NAA25: variants seen among roughly 807,000 people sequenced by gnomAD.
NAA25 encodes N-alpha-acetyltransferase 25, NatB auxiliary subunit, also known as N-terminal acetyltransferase B complex subunit NAA25.
A neutral mutation model predicts 132.5 loss-of-function variants in NAA25; 30 were observed. The observed-to-expected ratio is 0.23, with a 90% CI of 0.17 to 0.31. The LOEUF is 0.31. NAA25 is among the 10% of genes least tolerant of loss of function. The pLI is 1.00. For synonymous variants in NAA25, 359 were observed against 401.9 expected, an observed-to-expected ratio of 0.89 and a Z score of 1.28; for missense variants, 771 against 1,150.4, an observed-to-expected ratio of 0.67 and a Z score of 4.77.
chr12:112,046,006 C>T (rs189510696), intron 17 of NAA25, among the ~76,000 whole-genome samples: 4 of 152,182 alleles, frequency 2.6e-5, no homozygotes, highest in Non-Finnish European at 5.9e-5. Flanking sequence ...GTTAACATAG[C>T]AGGCCTGCAG....
rs562838207 is a variant in NAA25, at chr12:112,027,345, T to C, written c.*2186A>G. 54 of 152,286 alleles carry C rather than the reference T, an allele frequency of 3.5e-4. No individual in the cohort carries two copies. The highest frequency in any genetic ancestry group is 1.3e-3 in the African/African-American group (53 of 41,474). 9.4% of individuals were successfully genotyped at this position (152,286 alleles called of 1,614,324 possible). A position where few individuals can be genotyped will look rare whatever the true frequency, so the allele number is the denominator to read the frequency against. ...TATATATTTTTTTAACTGTACACAA[T>C]TTATAGTACATGAGGGTTTCCAAAA... On this transcript the variant is annotated 3_prime_UTR_variant, in exon 24 of 24. Transcript: ENST00000261745.
chr12:112,088,877 C>T (rs886794713), intron 3 of NAA25, among the ~76,000 whole-genome samples: 2 of 152,146 alleles, frequency 1.3e-5, no homozygotes, highest in African/African-American at 4.8e-5. Flanking sequence ...ACCTCAGCCT[C>T]CCAAAGTGCT....
intron 1 of NAA25, among the ~76,000 whole-genome samples, chr12:112,098,932 A>G (rs2079253368): frequency 6.6e-6 from 1 of 151,914 alleles, no homozygotes; most frequent in Non-Finnish European, 1.5e-5. Flanking sequence ...CTTCCTTTAC[A>G]TTAAGGAGAA....
At chr12:112,080,051 C>A (rs1464299593) in intron 5 of NAA25, among the ~76,000 whole-genome samples, 2 of 151,804 alleles carry the variant, frequency 1.3e-5, no homozygotes, top group African/African-American at 4.8e-5. Flanking sequence ...GAGGCCGAGG[C>A]GGGCGGATCA....
At chr12:112,046,723 G>C (rs1299677440) in intron 17 of NAA25, among the ~76,000 whole-genome samples, 2 of 152,142 alleles carry the variant, frequency 1.3e-5, no homozygotes, top group Non-Finnish European at 2.9e-5. Context: ...CAGCCTTGCT[G>C]ACCACAAGTA....
chr12:112,051,260 C>A (rs1182278814), intron 15 of NAA25, among the ~76,000 whole-genome samples: 1 of 152,114 alleles, frequency 6.6e-6, no homozygotes, highest in Non-Finnish European at 1.5e-5. Flanking sequence ...GTCACCCAGG[C>A]TGGAGTATAA....
rs1245627307 is a variant in NAA25, at chr12:112,094,357, TAGATG to T, written c.59-1226_59-1222del. On this transcript the variant is annotated intron_variant, in intron 1 of 23. Transcript: ENST00000261745. ...GTGAAGATTCAAGACTATACATATT[TAGATG>T]AGATGACATTAATATTTTTATCCAT... 2.0e-5 allele frequency among the ~76,000 whole-genome samples: 3 copies of T among 152,120 alleles called. No individual in the cohort carries two copies. In the East Asian group the frequency reaches 5.8e-4, roughly 29 times the overall value.
chr12:112,090,477 G>C (rs1259915035), intron 3 of NAA25: 1 of 339,888 alleles, frequency 2.9e-6, no homozygotes, highest in Admixed American at 4.7e-5. Context: ...GTGAAAATAA[G>C]GGTGAAGCCT....
chr12:112,097,808 T>C (rs937983375), intron 1 of NAA25, among the ~76,000 whole-genome samples: 1 of 151,678 alleles, frequency 6.6e-6, no homozygotes, highest in Non-Finnish European at 1.5e-5. Context: ...AGTTGATGAG[T>C]AAGCAGGAAA....
At chr12:112,043,243 T>C in intron 18 of NAA25, 32 bp from the exon 19 acceptor site, 1 of 1,555,088 alleles carries the variant, frequency 6.4e-7, no homozygotes, top group Non-Finnish European at 8.7e-7. Flanking sequence ...AATGCTCTTT[T>C]AAATCCATCT....
intron 8 of NAA25, among the ~76,000 whole-genome samples, 156 bp downstream of exon 8, chr12:112,075,522 G>T (rs1483567505): frequency 2.0e-5 from 3 of 152,080 alleles, no homozygotes; most frequent in Non-Finnish European, 4.4e-5. Context: ...ACTGAAAGAT[G>T]AAGGCTCCTT....
chr12:112,044,668 TCAAAACAAAA>T (rs377462700), intron 17 of NAA25, among the ~76,000 whole-genome samples: 2,590 of 150,374 alleles, frequency 0.017, 42 homozygotes, highest in Non-Finnish European at 0.027. Flanking sequence ...AGACTCCATC[TCAAAACAAAA>T]CAAAACAAAA....
intron 1 of NAA25, among the ~76,000 whole-genome samples, chr12:112,104,693 T>G (rs1298447452): frequency 2.0e-5 from 3 of 151,862 alleles, no homozygotes; most frequent in Non-Finnish European, 4.4e-5. Flanking sequence ...AAAATTAACC[T>G]GGCGTGGTGG....
chr12:112,105,730 C>T lies in NAA25; in HGVS notation c.58+2986G>A, dbSNP rs548929836. Among the ~76,000 whole-genome samples the T allele has an allele frequency of 7.2e-4, 110 of 152,312 alleles. 1 individual carries two copies. Among genetic ancestry groups the T allele is most frequent in the African/African-American group, 2.6e-3 (108 of 41,574 alleles). On this transcript the variant is annotated intron_variant, in intron 1 of 23. Transcript: ENST00000261745. ...ATACTGTTGTACAAAGACAGTGATG[C>T]TACTGAATCTGAACTTGGTGAAGAG...
chr12:112,068,810 C>A, intron 11 of NAA25, 70 bp downstream of exon 11: 2 of 825,922 alleles, frequency 2.4e-6, no homozygotes, highest in Non-Finnish European at 3.9e-6. Context: ...GAAAAGAAAC[C>A]CAAACATTTA....
intron 11 of NAA25, among the ~76,000 whole-genome samples, chr12:112,068,310 G>A (rs908705053): frequency 6.6e-6 from 1 of 152,132 alleles, no homozygotes; most frequent in Non-Finnish European, 1.5e-5. Context: ...TTAAAGGGTA[G>A]CATGTGGGAT....
intron 16 of NAA25, 30 bp downstream of exon 16, chr12:112,048,262 G>C (rs1593762958): frequency 6.3e-7 from 1 of 1,597,286 alleles, no homozygotes; most frequent in Non-Finnish European, 8.6e-7. Flanking sequence ...TAATCCCTTA[G>C]TTCCTTTATA....
intron 22 of NAA25, 38 bp downstream of exon 22, chr12:112,039,191 G>T: frequency 7.7e-7 from 1 of 1,294,722 alleles, no homozygotes; most frequent in South Asian, 1.3e-5. Context: ...CATGTGGTCA[G>T]ATTGTTCCTT....
intron 10 of NAA25, among the ~76,000 whole-genome samples, chr12:112,069,386 C>T (rs2078769316): frequency 6.6e-6 from 1 of 152,078 alleles, no homozygotes; most frequent in South Asian, 2.1e-4. Flanking sequence ...TGCTTGTAAT[C>T]CCAACTGCTT....
Sources: allele counts gnomAD v4.1 joint callset (sites outside exome capture counted in the v4.1 genomes callset), GRCh38; gene constraint gnomAD v4.1.1; transcripts MANE v1.5; gene names NCBI Gene and HGNC (gene_info 2026-07-23, HGNC 2026-07-21).